PPM1G: variants seen among roughly 807,000 people sequenced by gnomAD.
PPM1G encodes protein phosphatase 1G.
Under a neutral mutation model 59.4 loss-of-function variants are expected in PPM1G, and 12 were observed. The ratio of observed to expected loss-of-function variants is 0.20; its 90% confidence interval spans 0.13 to 0.33. PPM1G has a LOEUF of 0.33. PPM1G is among the 10% of genes least tolerant of loss of function. The pLI is 1.00. For synonymous variants in PPM1G, 245 were observed against 251.9 expected (o/e 0.97, Z 0.26); for missense variants, 392 against 681.3 (o/e 0.58, Z 4.73).
rs1558315452 is a variant in PPM1G at position 27,382,004 on chromosome 2, G to A, written c.1434+122C>T. ...TGACAGAAGGTGGAACTTTGGAGTC[G>A]GGGTTTAGCGTCTGTCAGCAATTAC... On this transcript the variant is annotated intron_variant, in intron 9 of 9. Transcript: ENST00000344034. This position sits in a 1 kb window ranked among gnomAD's most constrained non-coding sequence, Gnocchi z 4.2. The A allele has an allele frequency of 8.2e-6, 9 of 1,091,378 alleles. No homozygotes were observed. Among genetic ancestry groups the A allele is most frequent in the East Asian group, 2.4e-5 (1 of 41,156 alleles). The allele number at this position is 1,091,378 out of a possible 1,614,324, so 67.6% of individuals were successfully genotyped here. A position where few individuals can be genotyped will look rare whatever the true frequency, so the allele number is the denominator to read the frequency against.
chr2:27,383,342 C>G lies in PPM1G; in HGVS notation c.1201+24G>C, dbSNP rs1683687444. The G allele has an allele frequency of 6.2e-7, 1 of 1,604,848 alleles. No homozygotes were observed. ...GGACAGAGAGAAAGACCCTAGAAGT[C>G]TTTCCCAGTTTCTTGGCCCTTACCA... On this transcript the variant is annotated intron_variant, in intron 7 of 9. Coordinates refer to ENST00000344034, the MANE Select transcript of PPM1G (RefSeq NM_177983.3). The surrounding 1 kb of genome is among the most constrained non-coding windows in gnomAD (Gnocchi z 5.0).
intron 1 of PPM1G, among the ~76,000 whole-genome samples, chr2:27,402,806 C>CAATA (rs201750083): frequency 0.074 from 10,419 of 140,508 alleles, 515 homozygotes; most frequent in East Asian, 0.2. Flanking sequence ...GACTCCATCT[C>CAATA]AATAAATAAA....
At chr2:27,391,967 G>T (rs910022666) in intron 1 of PPM1G, among the ~76,000 whole-genome samples, 1 of 151,756 alleles carries the variant, frequency 6.6e-6, no homozygotes, top group Non-Finnish European at 1.5e-5. Context: ...CCTGGACCTC[G>T]TGATCTGCCC....
intron 1 of PPM1G, among the ~76,000 whole-genome samples, chr2:27,390,033 TC>T (rs1683860873): frequency 8.8e-6 from 1 of 113,870 alleles, no homozygotes. Flanking sequence ...CATCTTGTTT[TC>T]TTTTTTTTTT....
Position 27,382,667 on chromosome 2 carries a change from A to G in PPM1G, c.1202-62T>C. On this transcript the variant is annotated intron_variant, in intron 7 of 9. Transcript: ENST00000344034. This position sits in a 1 kb window ranked among gnomAD's most constrained non-coding sequence, Gnocchi z 4.2. ...CTTCCCACAGACTTGTGTTTGTGGC[A>G]GGTCAAACCTTGCCATTCATTTCCC... The G allele has an allele frequency of 6.3e-7, 1 of 1,589,496 alleles. No individual in the cohort carries two copies.
At chr2:27,389,677 G>A (rs1266742714) in intron 1 of PPM1G, among the ~76,000 whole-genome samples, 1 of 152,130 alleles carries the variant, frequency 6.6e-6, no homozygotes, top group Non-Finnish European at 1.5e-5. Context: ...AAAATGTTAT[G>A]AGATTGGCTA....
At chr2:27,393,129 C>T (rs543544011) in intron 1 of PPM1G, 32 of 1,343,928 alleles carry the variant, frequency 2.4e-5, no homozygotes, top group East Asian at 4.6e-5. Flanking sequence ...AAGGAAGATT[C>T]GGCCACCTCG....
At position 27,382,280 on chromosome 2, in the gene PPM1G, G is replaced by T. The variant is rs747638793; in HGVS notation, c.1332-52C>A. Reference sequence around the variant, plus strand: ...CTTCCAGTCTCACTAAGGCAGCGTAGAGGAGTATGGACAGAGGTGGTGGCC... The same window carrying T: ...CTTCCAGTCTCACTAAGGCAGCGTATAGGAGTATGGACAGAGGTGGTGGCC... On this transcript the variant is annotated intron_variant, in intron 8 of 9. Coordinates refer to ENST00000344034, the MANE Select transcript of PPM1G (RefSeq NM_177983.3). The surrounding 1 kb of genome is among the most constrained non-coding windows in gnomAD (Gnocchi z 4.2). 6.3e-7 allele frequency: 1 copy of T among 1,586,182 alleles called. No homozygotes were observed. Among genetic ancestry groups the T allele is most frequent in the Non-Finnish European group, 8.7e-7 (1 of 1,155,070 alleles).
intron 1 of PPM1G, among the ~76,000 whole-genome samples, chr2:27,389,800 C>CA (rs982251759): frequency 2.0e-5 from 3 of 151,990 alleles, no homozygotes; most frequent in Non-Finnish European, 2.9e-5. Context: ...CCCGCCTCTA[C>CA]AAAAAAATTT....
chr2:27,385,186 C>T lies in PPM1G; in HGVS notation c.410-98G>A, dbSNP rs1239985542. 7.6e-7 allele frequency: 1 copy of T among 1,321,322 alleles called. No individual in the cohort carries two copies. Among genetic ancestry groups the T allele is most frequent in the Non-Finnish European group, 1.0e-6 (1 of 979,988 alleles). 81.8% of individuals were successfully genotyped at this position (1,321,322 alleles called of 1,614,324 possible). On this transcript the variant is annotated intron_variant, in intron 4 of 9. Transcript: ENST00000344034. This position sits in a 1 kb window ranked among gnomAD's most constrained non-coding sequence, Gnocchi z 4.1. ...CAGCCCTTGCAGCCTCTAACTTCCC[C>T]ACAACCTCCCACTCCCAAGGTTCCT...
Position 27,383,670 on chromosome 2 carries a change from GT to G in PPM1G, c.967-71del. 1 of 1,423,672 alleles carries G rather than the reference GT, an allele frequency of 7.0e-7. No individual in the cohort carries two copies. The highest frequency in any genetic ancestry group is 9.6e-7 in the Non-Finnish European group (1 of 1,042,746). The allele number at this position is 1,423,672 out of a possible 1,614,324, so 88.2% of individuals were successfully genotyped here. ...GTTCCTCACTGATGTGCTCCTGATC[GT>G]TCACCTATGCTTGCTTTCACTGGGA... On this transcript the variant is annotated intron_variant, in intron 6 of 9. Transcript: ENST00000344034. The surrounding 1 kb of genome is among the most constrained non-coding windows in gnomAD (Gnocchi z 5.0).
intron 1 of PPM1G, 124 bp downstream of exon 1, chr2:27,409,179 A>C (rs1447348660): frequency 2.2e-6 from 3 of 1,335,208 alleles, no homozygotes; most frequent in Non-Finnish European, 2.0e-6. Flanking sequence ...CGCCCCGCAA[A>C]CGGCCGCTGC....
At position 27,397,683 on chromosome 2, in the gene PPM1G, G is replaced by A. The variant is rs1218674921; in HGVS notation, c.121-10525C>T. The stretch of plus-strand genomic sequence containing the variant: ...ACTCAATGCCAGTCTGGGCAACATA[G>A]TAATAAGACCCTGTCTCTATAAAAA... On this transcript the variant is annotated intron_variant, in intron 1 of 9. Coordinates refer to ENST00000344034, the MANE Select transcript of PPM1G (RefSeq NM_177983.3). 3.3e-5 allele frequency among the ~76,000 whole-genome samples: 5 copies of A among 152,232 alleles called. No homozygotes were observed. The East Asian group carries it at 9.6e-4, about 29-fold the overall frequency.
chr2:27,382,363 C>T lies in PPM1G; in HGVS notation c.1331+113G>A, dbSNP rs1348671237. 7.0e-6 allele frequency: 11 copies of T among 1,564,998 alleles called. No individual in the cohort carries two copies. In the East Asian group the frequency reaches 2.5e-4, roughly 35 times the overall value. On this transcript the variant is annotated intron_variant, in intron 8 of 9. Transcript: ENST00000344034. The surrounding 1 kb of genome is among the most constrained non-coding windows in gnomAD (Gnocchi z 4.2). Reference sequence around the variant, plus strand: ...GCTCTGCCTTAGTCTGGGTGCTCTTCACCCACCAAGAGGCCTAGGTCTGCC... The same window carrying T: ...GCTCTGCCTTAGTCTGGGTGCTCTTTACCCACCAAGAGGCCTAGGTCTGCC...
In PPM1G at chr2:27,383,575, G is replaced by A; in HGVS notation, c.992C>T (p.Ala331Val). Residue 331 changes from alanine to valine, a missense_variant, in exon 7 of 10, where the codon GCG (alanine) becomes GTG (valine). Coordinates refer to ENST00000344034, the MANE Select transcript of PPM1G (RefSeq NM_177983.3). The surrounding 1 kb of genome is among the most constrained non-coding windows in gnomAD (Gnocchi z 5.0). ...EEPGSDSGTTAVVALIRGKQL... is the reference protein window; with the variant it reads ...EEPGSDSGTTVVVALIRGKQL... The stretch of plus-strand genomic sequence containing the variant: ...CTTCCCTCGTATCAGGGCCACCACC[G>A]CTGTTGTACCACTGTCAGAGCCAGG... The A allele has an allele frequency of 6.2e-7, 1 of 1,613,676 alleles. No homozygotes were observed. Among genetic ancestry groups the A allele is most frequent in the Non-Finnish European group, 8.5e-7 (1 of 1,179,822 alleles).
rs566231262 is a variant in PPM1G at position 27,390,946 on chromosome 2, TTC to T, written c.121-3790_121-3789del. ...GAACACGCAGTATTTGGTTTTCTGT[TTC>T]TGTGTTAGTTTGCTTAGGATAATGC... On this transcript the variant is annotated intron_variant, in intron 1 of 9. Transcript: ENST00000344034. 2.0e-5 allele frequency among the ~76,000 whole-genome samples: 3 copies of T among 152,330 alleles called. No individual in the cohort carries two copies. In the South Asian group the frequency reaches 6.2e-4, roughly 32 times the overall value.
At position 27,383,861 on chromosome 2, in the gene PPM1G, T is replaced by C. The variant is rs1683698997; in HGVS notation, c.966+91A>G. ...TGACTATTACTTCCATCCTAAAGTA[T>C]CAGGGGGATCCCCTGTCTCAAAATC... On this transcript the variant is annotated intron_variant, in intron 6 of 9. Transcript: ENST00000344034. The surrounding 1 kb of genome is among the most constrained non-coding windows in gnomAD (Gnocchi z 5.0). The C allele has an allele frequency of 6.6e-7, 1 of 1,510,524 alleles. No homozygotes were observed. The highest frequency in any genetic ancestry group is 8.9e-7 in the Non-Finnish European group (1 of 1,119,158). The allele number at this position is 1,510,524 out of a possible 1,614,324, so 93.6% of individuals were successfully genotyped here. A position where few individuals can be genotyped will look rare whatever the true frequency, so the allele number is the denominator to read the frequency against.
rs186837677 is a variant in PPM1G, at chr2:27,383,791, C to G, written c.966+161G>C. Among the ~76,000 whole-genome samples the G allele has an allele frequency of 3.3e-5, 5 of 152,318 alleles. No individual in the cohort carries two copies. In the East Asian group the frequency reaches 9.6e-4, roughly 29 times the overall value. ...TCTCCCTTGTTTTTAGATAATTCAA[C>G]CCCAAAGGCTTACCATCTCATTCCC... On this transcript the variant is annotated intron_variant, in intron 6 of 9. Coordinates refer to ENST00000344034, the MANE Select transcript of PPM1G (RefSeq NM_177983.3). The surrounding 1 kb of genome is among the most constrained non-coding windows in gnomAD (Gnocchi z 5.0).
chr2:27,382,546 G>A lies in PPM1G; in HGVS notation c.1261C>T (p.Leu421Phe). 6.2e-7 allele frequency: 1 copy of A among 1,614,216 alleles called. No homozygotes were observed. Residue 421 changes from leucine (L) to phenylalanine (F), a missense_variant, in exon 8 of 10, where the codon CTT becomes TTT. By Grantham distance (22) the Leu-to-Phe change is conservative. Around this residue, in one of 6 missense-constraint regions of PPM1G, gnomAD observed 53 missense variants for 175.4 expected, o/e 0.30. Transcript: ENST00000344034. This position sits in a 1 kb window ranked among gnomAD's most constrained non-coding sequence, Gnocchi z 4.2. ...LPPEEQMISA[L>F]PDIKVLTLTD... The stretch of plus-strand genomic sequence containing the variant: ...AGAGTCAGCACCTTGATGTCAGGAA[G>A]GGCTGAAATCATCTGTTCCTCAGGT...
Sources: gnomAD v4.1 joint callset for allele counts (sites outside exome capture counted in the v4.1 genomes callset) on GRCh38, gnomAD v4.1.1 for gene constraint, gnomAD v4.1.1 regional missense constraint, Gnocchi (gnomAD v3.1) non-coding constraint, MANE v1.5 for transcripts, NCBI Gene and HGNC (gene_info 2026-07-23, HGNC 2026-07-21) for gene names.